The following PRSS12 variants were observed in gnomAD, a reference collection of about 807,000 sequenced individuals.
PRSS12 encodes neurotrypsin.
A neutral mutation model predicts 104.4 loss-of-function variants in PRSS12; 85 were observed. The ratio of observed to expected loss-of-function variants is 0.81; its 90% CI spans 0.68 to 0.98. The LOEUF is 0.98. Among genes scored for constraint, PRSS12 ranks in the 50% least tolerant of loss-of-function variants. PRSS12 has a pLI of 0.00. For synonymous variants in PRSS12, 454 were observed against 425.2 expected, an observed-to-expected ratio of 1.07 and a Z score of -0.83; for missense variants, 1,141 against 1,139.2, an observed-to-expected ratio of 1.00 and a Z score of -0.02.
At chr4:118,320,940 G>C (rs890106585) in intron 4 of PRSS12, among the ~76,000 whole-genome samples, 1 of 152,092 alleles carries the variant, frequency 6.6e-6, no homozygotes, top group African/African-American at 2.4e-5. Context: ...AAAGAAGATG[G>C]CTTAAGCAAA....
At chr4:118,298,971 A>C in intron 8 of PRSS12, 33 bp from the exon 9 acceptor site, 1 of 1,604,002 alleles carries the variant, frequency 6.2e-7, no homozygotes, top group South Asian at 1.1e-5. Context: ...CATGTGAAGA[A>C]TCAGTCAGTC....
At chr4:118,291,010 T>C (rs1479052947) in intron 11 of PRSS12, among the ~76,000 whole-genome samples, 1 of 151,956 alleles carries the variant, frequency 6.6e-6, no homozygotes, top group Non-Finnish European at 1.5e-5. Context: ...TACAAACATA[T>C]ACAAAGATTT....
intron 11 of PRSS12, among the ~76,000 whole-genome samples, chr4:118,288,783 A>C (rs891473082): frequency 6.6e-6 from 1 of 152,256 alleles, no homozygotes; most frequent in African/African-American, 2.4e-5. Context: ...AAAAATTAGC[A>C]ATTTATATTA....
chr4:118,284,902 C>T (rs1051697833), intron 11 of PRSS12, among the ~76,000 whole-genome samples: 1 of 152,164 alleles, frequency 6.6e-6, no homozygotes, highest in East Asian at 1.9e-4. Context: ...TTATTGTTTA[C>T]AAGACCTGTA....
intron 10 of PRSS12, 24 bp from the exon 11 acceptor site, chr4:118,295,085 T>A (rs754797015): frequency 1.2e-6 from 2 of 1,612,498 alleles, no homozygotes; most frequent in South Asian, 1.1e-5. Flanking sequence ...GAGCTACACA[T>A]CAACGTCAGT....
In PRSS12 at chr4:118,316,139, T is replaced by C. The variant is rs778830306; in HGVS notation, c.1292+43A>G. The C allele has an allele frequency of 3.1e-6, 5 of 1,606,574 alleles. No homozygotes were observed. The Admixed American group carries it at 6.7e-5, about 21-fold the overall frequency. ...ATTAACATAATAAGACTTTTAACAATATAATCTGGCATTTAACTGCCTTTA... is the reference window on the plus strand; with the variant it reads ...ATTAACATAATAAGACTTTTAACAACATAATCTGGCATTTAACTGCCTTTA... On this transcript the variant is annotated intron_variant, in intron 6 of 12. Coordinates refer to ENST00000296498, the MANE Select transcript of PRSS12 (RefSeq NM_003619.4).
Position 118,352,560 on chromosome 4 carries a change from G to T in PRSS12, c.161C>A (p.Pro54Gln), listed in dbSNP as rs753124685. 1.9e-6 allele frequency: 3 copies of T among 1,539,874 alleles called. No homozygotes were observed. The highest frequency in any genetic ancestry group is 1.8e-6 in the Non-Finnish European group (2 of 1,142,238). The change falls in exon 1 of 13, where the codon CCG becomes CAG. Residue 54 changes from proline to glutamine, a missense_variant. By Grantham distance (76) the Pro-to-Gln change is moderately conservative. Transcript: ENST00000296498. ...GAGAGGCGGCGGCGGACGCGTCCTC[G>T]GGGGCCGCTGCTGGGTGGGAAGGTA... is the stretch of plus-strand genomic sequence containing the variant. ...PYYLPTQQRPPRTRPPPPLPR... is the reference protein window; with the variant it reads ...PYYLPTQQRPQRTRPPPPLPR...
chr4:118,295,781 A>G lies in PRSS12; in HGVS notation c.1913T>C (p.Leu638Ser). The G allele has an allele frequency of 6.2e-7, 1 of 1,612,606 alleles. No homozygotes were observed. The highest frequency in any genetic ancestry group is 8.5e-7 in the Non-Finnish European group (1 of 1,178,588). ...QKRIIGGKNS[L>S]RGGWPWQVSL... The stretch of plus-strand genomic sequence containing the variant: ...TCTCTTTTGGAGGAACATTTACCTT[A>G]AAGAATTTTTCCCACCAATGATCCG... Residue 638 changes from leucine to serine, a missense_variant, in exon 10 of 13, where the codon TTA (leucine) becomes TCA (serine). Physicochemically the swap from Leu to Ser is moderately radical, Grantham distance 145. Transcript: ENST00000296498.
At chr4:118,326,043 G>GA (rs1360599899) in intron 4 of PRSS12, among the ~76,000 whole-genome samples, 6 of 152,028 alleles carry the variant, frequency 3.9e-5, no homozygotes, top group African/African-American at 1.4e-4. Context: ...TACATACACA[G>GA]AAAAAGGCCA....
intron 4 of PRSS12, among the ~76,000 whole-genome samples, chr4:118,330,082 A>G (rs1723879016): frequency 6.6e-6 from 1 of 152,238 alleles, no homozygotes; most frequent in East Asian, 1.9e-4. Flanking sequence ...ATCACAGCAA[A>G]ACCTGTTGAC....
chr4:118,297,597 C>T (rs1373596849), intron 9 of PRSS12, among the ~76,000 whole-genome samples: 1 of 151,730 alleles, frequency 6.6e-6, no homozygotes, highest in African/African-American at 2.4e-5. Context: ...CAATCAGAAG[C>T]CCCTCAGACA....
chr4:118,327,702 T>A (rs142497449), intron 4 of PRSS12, among the ~76,000 whole-genome samples: 28 of 152,266 alleles, frequency 1.8e-4, no homozygotes, highest in Admixed American at 1.4e-3. Context: ...GTTAAGCACA[T>A]AAAAAGGAAC....
At chr4:118,314,946 C>A (rs1743866325) in intron 6 of PRSS12, among the ~76,000 whole-genome samples, 1 of 152,050 alleles carries the variant, frequency 6.6e-6, no homozygotes, top group Non-Finnish European at 1.5e-5. Context: ...CTGAGATTCA[C>A]TTAAATATAA....
At chr4:118,310,071 G>C (rs947916774) in intron 7 of PRSS12, among the ~76,000 whole-genome samples, 11 of 152,082 alleles carry the variant, frequency 7.2e-5, no homozygotes, top group Admixed American at 6.6e-4. Flanking sequence ...CTATCAGCTG[G>C]ATAAAAACTT....
chr4:118,339,219 C>T (rs1407287233), intron 1 of PRSS12, among the ~76,000 whole-genome samples: 5 of 152,140 alleles, frequency 3.3e-5, no homozygotes, highest in Admixed American at 1.3e-4. Flanking sequence ...TGAGCAGAGA[C>T]AGAATTAACC....
Position 118,320,318 on chromosome 4 carries a change from C to T in PRSS12, c.972-1762G>A, listed in dbSNP as rs575677183. Among the ~76,000 whole-genome samples the T allele has an allele frequency of 2.6e-5, 4 of 152,212 alleles. No homozygotes were observed. The East Asian group carries it at 7.7e-4, about 29-fold the overall frequency. On this transcript the variant is annotated intron_variant, in intron 4 of 12. Transcript: ENST00000296498. ...AGTGTGCTAAATGGCTGTAATACCC[C>T]ACTAATGGTAAAGTCTTAGATACCA...
At chr4:118,332,682 G>T (rs1723959012) in intron 3 of PRSS12, among the ~76,000 whole-genome samples, 1 of 152,140 alleles carries the variant, frequency 6.6e-6, no homozygotes, top group Non-Finnish European at 1.5e-5. Context: ...GAAATACTGT[G>T]TTCCTTTACA....
rs1201056404 is a variant in PRSS12, at chr4:118,318,414, T to C, written c.1114A>G (p.Lys372Glu). 1 of 1,614,110 alleles carries C rather than the reference T, an allele frequency of 6.2e-7. No individual in the cohort carries two copies. The highest frequency in any genetic ancestry group is 1.7e-5 in the Admixed American group (1 of 60,016). The change falls in exon 5 of 13, where the codon AAA (lysine) becomes GAA (glutamate). Residue 372 changes from lysine (K) to glutamate (E), a missense_variant. By Grantham distance (56) the Lys-to-Glu change is moderately conservative. Coordinates refer to ENST00000296498, the MANE Select transcript of PRSS12 (RefSeq NM_003619.4). ...GTACAGGACACTCCAGCATCTTCTT[T>C]ATGGCCACAGTTATGCTCTCCCCAG... ...SSWGEHNCGH[K>E]EDAGVSCTPL...
rs371242801 is a variant in PRSS12 at position 118,292,737 on chromosome 4, T to C, written c.2039+2202A>G. The stretch of plus-strand genomic sequence containing the variant: ...TCTGAAGCTCAATTATATCCCCAAA[T>C]AGCCACTGTTATGTAAAATACAGGT... On this transcript the variant is annotated intron_variant, in intron 11 of 12. Transcript: ENST00000296498. Among the ~76,000 whole-genome samples the C allele has an allele frequency of 4.2e-4, 64 of 152,220 alleles. 1 individual carries two copies. In the South Asian group the frequency reaches 0.013, roughly 31 times the overall value.
Sources: allele counts gnomAD v4.1 joint callset (sites outside exome capture counted in the v4.1 genomes callset), GRCh38; gene constraint gnomAD v4.1.1; transcripts MANE v1.5; gene names NCBI Gene and HGNC (gene_info 2026-07-23, HGNC 2026-07-21).